ITGA6: variants seen among roughly 807,000 people sequenced by gnomAD.
ITGA6 encodes integrin subunit alpha 6.
A neutral mutation model predicts 133.6 loss-of-function variants in ITGA6; 63 were observed. The observed-to-expected ratio is 0.47, with a 90% CI of 0.38 to 0.58. ITGA6 has a LOEUF of 0.58. Ranked by LOEUF, ITGA6 falls within the 20% of genes least tolerant of loss-of-function variation. The pLI is 0.00. For missense variants in ITGA6, 1,068 were observed against 1,309.4 expected (o/e 0.82, Z 2.85); for synonymous variants, 434 against 482.0 (o/e 0.90, Z 1.30).
intron 1 of ITGA6, among the ~76,000 whole-genome samples, chr2:172,457,251 C>T (rs1472124225): frequency 7.8e-6 from 1 of 128,886 alleles, no homozygotes; most frequent in Non-Finnish European, 1.6e-5. Context: ...GCCGAGATCA[C>T]AACACTGCAC....
intron 1 of ITGA6, among the ~76,000 whole-genome samples, chr2:172,436,353 C>A (rs1431592110): frequency 2.6e-5 from 4 of 152,168 alleles, no homozygotes; most frequent in African/African-American, 9.7e-5. Context: ...TCAGATAAGC[C>A]AGCTTAGAAA....
chr2:172,492,662 A>G (rs1178013438), intron 23 of ITGA6, among the ~76,000 whole-genome samples: 2 of 152,178 alleles, frequency 1.3e-5, no homozygotes, highest in East Asian at 1.9e-4. Context: ...AGGGACTTGT[A>G]TAAAGATCTC....
Position 172,485,199 on chromosome 2 carries a change from G to C in ITGA6, c.1789G>C (p.Val597Leu). The change falls in exon 13 of 26, where the codon GTG (valine) becomes CTG (leucine). Residue 597 changes from valine (V) to leucine (L), a missense_variant. Val to Leu is a conservative substitution (Grantham distance 32). This residue lies in a region of ITGA6 where 609 missense variants were observed against 707.2 expected (regional missense o/e 0.86). Transcript: ENST00000684293. ...EIQEPSSRRR[V>L]NSLPEVLPIL... is the part of the protein sequence containing the mutation. ...CCAAGAGCCAAGCTCTCGTAGGCGA[G>C]TGAATTCACTTCCAGAAGTTCTTCC... 6.2e-7 allele frequency: 1 copy of C among 1,613,930 alleles called. No individual in the cohort carries two copies. Among genetic ancestry groups the C allele is most frequent in the East Asian group, 2.2e-5 (1 of 44,884 alleles).
At chr2:172,433,832 A>G (rs1272292673) in intron 1 of ITGA6, among the ~76,000 whole-genome samples, 1 of 152,216 alleles carries the variant, frequency 6.6e-6, no homozygotes, top group Non-Finnish European at 1.5e-5. Flanking sequence ...CGTAGCTACT[A>G]AGCCATAGAT....
In ITGA6 at chr2:172,475,068, A is replaced by G. The variant is rs962362378; in HGVS notation, c.1126A>G (p.Met376Val). 2 of 1,609,104 alleles carry G rather than the reference A, an allele frequency of 1.2e-6. No homozygotes were observed. Among genetic ancestry groups the G allele is most frequent in the African/African-American group, 1.3e-5 (1 of 74,966 alleles). ...TCGTCTTAATGGAACCAAAGATTCT[A>G]TGTTTGGCATTGCAGTAAAAAATAT... ...PIRLNGTKDS[M>V]FGIAVKNIGD... The change falls in exon 7 of 26, where the codon ATG becomes GTG. Residue 376 changes from methionine (M) to valine (V), a missense_variant. Physicochemically the swap from Met to Val is conservative, Grantham distance 21. Transcript: ENST00000684293.
At position 172,498,090 on chromosome 2, in the gene ITGA6, TACTATG is replaced by T. The variant is rs778313957; in HGVS notation, c.3105_3110del (p.Ile1035_Trp1037delinsMet). The T allele has an allele frequency of 4.3e-6, 7 of 1,613,606 alleles. No individual in the cohort carries two copies. The highest frequency in any genetic ancestry group is 4.2e-6 in the Non-Finnish European group (5 of 1,179,650). ...TTGATGCTTGCTTTATTAGTGTTTA[TACTATG>T]GAAGGTAAGTCATATCTGGCATTTG... On this transcript the variant is annotated inframe_deletion, in exon 24 of 26. Coordinates refer to ENST00000684293, the MANE Select transcript of ITGA6 (RefSeq NM_000210.4).
intron 24 of ITGA6, among the ~76,000 whole-genome samples, chr2:172,500,017 A>AT (rs1343701041): frequency 6.6e-6 from 1 of 152,170 alleles, no homozygotes; most frequent in Non-Finnish European, 1.5e-5. Flanking sequence ...CATGAGAAGC[A>AT]TTTTTATTAC....
intron 1 of ITGA6, among the ~76,000 whole-genome samples, chr2:172,436,384 C>T (rs554734753): frequency 3.3e-5 from 5 of 152,124 alleles, no homozygotes; most frequent in African/African-American, 1.2e-4. Context: ...AAGGCTTGCC[C>T]TATATTTAGA....
intron 1 of ITGA6, among the ~76,000 whole-genome samples, chr2:172,453,239 G>T (rs976188315): frequency 6.6e-6 from 1 of 151,566 alleles, no homozygotes; most frequent in Non-Finnish European, 1.5e-5. Context: ...TTAAATCACA[G>T]TACAGGGCTG....
At chr2:172,469,664 T>C (rs1685834505) in intron 4 of ITGA6, among the ~76,000 whole-genome samples, 1 of 152,180 alleles carries the variant, frequency 6.6e-6, no homozygotes, top group Admixed American at 6.5e-5. Flanking sequence ...TTTTTGCTGT[T>C]TTAGATTTGT....
intron 8 of ITGA6, 71 bp from the exon 9 acceptor site, chr2:172,476,324 C>CT (rs1686172491): frequency 1.2e-6 from 1 of 868,188 alleles, no homozygotes. Flanking sequence ...ACTTGTGTGT[C>CT]TTTTTCAAAG....
At chr2:172,448,657 G>A (rs1043837385) in intron 1 of ITGA6, among the ~76,000 whole-genome samples, 1 of 152,174 alleles carries the variant, frequency 6.6e-6, no homozygotes, top group Non-Finnish European at 1.5e-5. Context: ...TTTGAATGTG[G>A]AGTTGTAGTT....
chr2:172,487,925 TA>T (rs1332744123), intron 17 of ITGA6, 35 bp from the exon 18 acceptor site: 1 of 1,591,288 alleles, frequency 6.3e-7, no homozygotes. Flanking sequence ...AACTGACTGG[TA>T]AAATACAACC....
At chr2:172,489,353 A>G (rs1686824006) in intron 19 of ITGA6, 132 bp from the exon 20 acceptor site, 4 of 739,424 alleles carry the variant, frequency 5.4e-6, no homozygotes, top group Middle Eastern at 3.7e-4. Flanking sequence ...TCTATAGTCC[A>G]TTTTTGGAGC....
Position 172,489,483 on chromosome 2 carries a change from A to C in ITGA6, c.2506-2A>C. 1 of 1,607,352 alleles carries C rather than the reference A, an allele frequency of 6.2e-7. No homozygotes were observed. Among genetic ancestry groups the C allele is most frequent in the Non-Finnish European group, 8.5e-7 (1 of 1,173,768 alleles). ...GAGATAATATGTATTATTTTCTAAC[A>C]GGTAATAAACTTAGGTAAACCTCTT... On this transcript the variant is annotated splice_acceptor_variant, in intron 19 of 25. Transcript: ENST00000684293. LOFTEE classifies it high-confidence loss of function.
chr2:172,475,559 G>A (rs1039639931), intron 7 of ITGA6, 38 bp from the exon 8 acceptor site: 22 of 1,063,882 alleles, frequency 2.1e-5, no homozygotes, highest in African/African-American at 3.1e-5. Context: ...TGTTTCTAAA[G>A]CGTTTGTTAA....
intron 12 of ITGA6, 72 bp downstream of exon 12, chr2:172,485,014 T>G: frequency 6.3e-7 from 1 of 1,599,252 alleles, no homozygotes; most frequent in Non-Finnish European, 8.6e-7. Context: ...TATACAGATT[T>G]CTGAAATTTA....
chr2:172,445,333 CTTTTCTTTTTT>C (rs1323001197), intron 1 of ITGA6, among the ~76,000 whole-genome samples: 1 of 117,020 alleles, frequency 8.5e-6, no homozygotes, highest in Non-Finnish European at 1.8e-5. Flanking sequence ...TTGTCTTTTT[CTTTTCTTTTTT>C]TTTTTTTAAC....
chr2:172,465,987 G>A (rs1333522927), intron 2 of ITGA6: 13 of 411,462 alleles, frequency 3.2e-5, no homozygotes, highest in Non-Finnish European at 5.5e-5. Context: ...ATGAATGAGC[G>A]TATCTTGTAT....
Sources: allele counts gnomAD v4.1 joint callset (sites outside exome capture counted in the v4.1 genomes callset), GRCh38; gene constraint gnomAD v4.1.1; regional missense constraint gnomAD v4.1.1; transcripts MANE v1.5; gene names NCBI Gene and HGNC (gene_info 2026-07-23, HGNC 2026-07-21).